The following ZNF469 variants were observed in gnomAD, a reference collection of about 807,000 sequenced individuals.
ZNF469 encodes zinc finger protein 469.
ZNF469 carries 1 observed loss-of-function variant against 1.0 expected under a neutral mutation model. That is an observed-to-expected ratio of 1.00 (90% CI 0.35 to 4.73). ZNF469 has a LOEUF of 4.73. ZNF469 is among the 30% of genes most tolerant of loss of function. ZNF469 has a pLI of 0.16. For synonymous variants in ZNF469, 2,703 were observed against 2,363.4 expected, an observed-to-expected ratio of 1.14 and a Z score of -4.17; for missense variants, 6,100 against 5,356.3, an observed-to-expected ratio of 1.14 and a Z score of -4.33.
the ZNF469 span, among the ~76,000 whole-genome samples, chr16:88,154,454 C>T: frequency 2.0e-5 from 3 of 152,382 alleles, no homozygotes; most frequent in South Asian, 6.2e-4. Context: ...GTGTGAGCCA[C>T]CGCACCCGGT....
chr16:88,290,765 A>G, the ZNF469 span, among the ~76,000 whole-genome samples: 4 of 152,140 alleles, frequency 2.6e-5, no homozygotes, highest in African/African-American at 9.7e-5. Flanking sequence ...TTTTCAATAC[A>G]TGTCTGCTGA....
In ZNF469 at chr16:88,430,210, G is replaced by A. The variant is rs1201006517; in HGVS notation, c.2740G>A (p.Gly914Arg). 9.7e-6 allele frequency: 15 copies of A among 1,544,470 alleles called. No individual in the cohort carries two copies. The highest frequency in any genetic ancestry group is 1.2e-5 in the Non-Finnish European group (14 of 1,144,096). Residue 914 changes from glycine (G) to arginine (R), a missense_variant, in exon 3 of 3, where the codon GGG becomes AGG. By Grantham distance (125) the Gly-to-Arg change is moderately radical. Coordinates refer to ENST00000565624, the MANE Select transcript of ZNF469 (RefSeq NM_001367624.2). ...ATPDPQTPRP[G>R]DRGCPARGRP... Reference sequence around the variant, plus strand: ...GCCGGACCCCCAAACCCCCCGCCCTGGGGACAGGGGCTGCCCAGCCCGAGG... The same window carrying A: ...GCCGGACCCCCAAACCCCCCGCCCTAGGGACAGGGGCTGCCCAGCCCGAGG...
the ZNF469 span, among the ~76,000 whole-genome samples, chr16:88,376,062 A>G: frequency 6.6e-6 from 1 of 152,236 alleles, no homozygotes; most frequent in Non-Finnish European, 1.5e-5. Context: ...GAGGGCATTC[A>G]TGGCAGGTTC....
the ZNF469 span, among the ~76,000 whole-genome samples, chr16:88,319,917 G>A: frequency 2.0e-5 from 3 of 152,244 alleles, no homozygotes; most frequent in African/African-American, 7.2e-5. Context: ...AAGCCAGAAT[G>A]GTGGGCTCCT....
the ZNF469 span, among the ~76,000 whole-genome samples, chr16:88,249,429 C>CTTTTTTTTTTT: frequency 3.1e-5 from 2 of 63,614 alleles, no homozygotes; most frequent in African/African-American, 1.7e-4. Context: ...TTTTCTTTTT[C>CTTTTTTTTTTT]TTTTTTTTTT....
the ZNF469 span, among the ~76,000 whole-genome samples, chr16:88,287,012 C>A: frequency 1.3e-5 from 2 of 152,186 alleles, no homozygotes; most frequent in Admixed American, 6.5e-5. Context: ...TTTTCTTATT[C>A]TTTTGCTTTT....
the ZNF469 span, among the ~76,000 whole-genome samples, chr16:88,355,700 G>C: frequency 6.6e-6 from 1 of 152,182 alleles, no homozygotes; most frequent in Non-Finnish European, 1.5e-5. Context: ...ATCATCCAGG[G>C]GCTGGGAGTC....
chr16:88,142,762 G>A, the ZNF469 span, among the ~76,000 whole-genome samples: 3 of 152,322 alleles, frequency 2.0e-5, no homozygotes, highest in Non-Finnish European at 4.4e-5. Flanking sequence ...CAGCAGCTGC[G>A]TCGCTGTGGA....
chr16:88,201,565 TAA>T, the ZNF469 span, among the ~76,000 whole-genome samples: 1,063 of 144,510 alleles, frequency 7.4e-3, 15 homozygotes, highest in African/African-American at 0.025. This position sits in a 1 kb window ranked among gnomAD's most constrained non-coding sequence, Gnocchi z 5.0. Context: ...ATAAATAAAT[TAA>T]AAAAAAAAAA....
At chr16:88,334,396 C>T in the ZNF469 span, among the ~76,000 whole-genome samples, 10 of 152,292 alleles carry the variant, frequency 6.6e-5, no homozygotes, top group Admixed American at 2.6e-4. Context: ...GTTTGCCTTA[C>T]GCTGACCAGT....
the ZNF469 span, among the ~76,000 whole-genome samples, chr16:88,247,412 GTGAA>G: frequency 4.6e-5 from 7 of 150,616 alleles, no homozygotes; most frequent in Non-Finnish European, 1.5e-5. Context: ...AAGTGAGTGA[GTGAA>G]TAAGTGAATG....
At chr16:88,377,970 C>G (rs1189763156), upstream of ZNF469, among the ~76,000 whole-genome samples, 2 of 152,164 alleles carry the variant, frequency 1.3e-5, no homozygotes, top group Non-Finnish European at 2.9e-5. Flanking sequence ...TGAGAGGAAG[C>G]CTGACCCAGG....
intron 1 of ZNF469, among the ~76,000 whole-genome samples, chr16:88,389,103 A>G (rs1904413840): frequency 1.3e-5 from 2 of 152,194 alleles, no homozygotes; most frequent in African/African-American, 4.8e-5. Context: ...TACAAACATC[A>G]CCACCATCTA....
the ZNF469 span, among the ~76,000 whole-genome samples, chr16:88,376,605 TAGA>T: frequency 1.5e-4 from 23 of 152,228 alleles, no homozygotes; most frequent in Non-Finnish European, 2.4e-4. Context: ...TTCTTTTCAT[TAGA>T]AGGATTCCCA....
chr16:88,350,105 C>A, the ZNF469 span, among the ~76,000 whole-genome samples: 1 of 152,244 alleles, frequency 6.6e-6, no homozygotes, highest in South Asian at 2.1e-4. Flanking sequence ...GTTCCTCCCG[C>A]CCCCCTTGGG....
Position 88,427,788 on chromosome 16 carries a change from A to G in ZNF469, c.318A>G (p.Ser106=). 6.5e-7 allele frequency: 1 copy of G among 1,547,162 alleles called. No individual in the cohort carries two copies. Among genetic ancestry groups the G allele is most frequent in the Non-Finnish European group, 8.7e-7 (1 of 1,146,706 alleles). The change falls in exon 3 of 3, where the codon TCA becomes TCG. Residue 106 remains serine (S), a synonymous_variant. Coordinates refer to ENST00000565624, the MANE Select transcript of ZNF469 (RefSeq NM_001367624.2). ...GGAGAAGCCCCTTGCAGGCTCCCTC[A>G]AGGCTGGCGGGCAGGGCAGAGGGCA... ...PPGRSPLQAP[S]RLAGRAEGSP... is the part of the protein sequence containing the mutation.
At chr16:88,147,227 T>G in the ZNF469 span, among the ~76,000 whole-genome samples, 2 of 151,976 alleles carry the variant, frequency 1.3e-5, no homozygotes, top group Admixed American at 6.5e-5. Flanking sequence ...CCAAGGGATG[T>G]AGGGGCCTGG....
the ZNF469 span, among the ~76,000 whole-genome samples, chr16:88,196,314 G>A: frequency 6.6e-6 from 1 of 152,214 alleles, no homozygotes; most frequent in Non-Finnish European, 1.5e-5. Flanking sequence ...GTCAGGTCAG[G>A]TGCAAAAGCT....
chr16:88,350,162 A>G, the ZNF469 span, among the ~76,000 whole-genome samples: 2 of 152,128 alleles, frequency 1.3e-5, no homozygotes, highest in Non-Finnish European at 2.9e-5. Context: ...AAGGTCAAAC[A>G]CTGTCCACGT....
Sources: gnomAD v4.1 joint callset for allele counts (sites outside exome capture counted in the v4.1 genomes callset) on GRCh38, gnomAD v4.1.1 for gene constraint, Gnocchi (gnomAD v3.1) non-coding constraint, MANE v1.5 for transcripts, NCBI Gene and HGNC (gene_info 2026-07-23, HGNC 2026-07-21) for gene names.